The following SMG9 variants were observed in gnomAD, a reference collection of about 807,000 sequenced individuals.
The protein encoded by SMG9 is SMG9 nonsense mediated mRNA decay factor.
In SMG9, 55 loss-of-function variants were observed where a neutral mutation model predicts 64.0. That is an observed-to-expected ratio of 0.86 (90% CI 0.69 to 1.08). The LOEUF is 1.08. SMG9 is among the 50% of genes least tolerant of loss of function. The pLI, the probability that SMG9 is intolerant of heterozygous loss-of-function variation, is 0.00. For synonymous variants in SMG9, 244 were observed against 254.8 expected (o/e 0.96, Z 0.41); for missense variants, 554 against 681.3 (o/e 0.81, Z 2.08).
At position 43,738,116 on chromosome 19, in the gene SMG9, C is replaced by T; in HGVS notation, c.909+6G>A. The T allele has an allele frequency of 6.2e-7, 1 of 1,613,814 alleles. No homozygotes were observed. Among genetic ancestry groups the T allele is most frequent in the Non-Finnish European group, 8.5e-7 (1 of 1,179,768 alleles). On this transcript the variant is annotated splice_donor_region_variant and intron_variant, in intron 8 of 13. Transcript: ENST00000270066. ...CTCAGTCCTGGGCCTGGCTTGGCTC[C>T]CTCACCTGCATTTCAACGTAAGTGT...
At chr19:43,748,498 A>T (rs753712324) in intron 2 of SMG9, among the ~76,000 whole-genome samples, 11 of 152,204 alleles carry the variant, frequency 7.2e-5, no homozygotes, top group Admixed American at 2.6e-4. Context: ...TATGATGAGG[A>T]TGAAAGGAGA....
chr19:43,753,537 T>C (rs1324305338), intron 1 of SMG9, among the ~76,000 whole-genome samples: 1 of 148,788 alleles, frequency 6.7e-6, no homozygotes, highest in African/African-American at 2.5e-5. Context: ...CTCAGCTGGC[T>C]GCGGCCTCTG....
chr19:43,744,373 T>A (rs1241989795), intron 6 of SMG9, among the ~76,000 whole-genome samples: 3 of 152,216 alleles, frequency 2.0e-5, no homozygotes, highest in Non-Finnish European at 4.4e-5. Context: ...CTTCTTGATC[T>A]TATTTTATTC....
At chr19:43,753,850 G>A (rs1164147981) in intron 1 of SMG9, among the ~76,000 whole-genome samples, 3 of 151,498 alleles carry the variant, frequency 2.0e-5, no homozygotes, top group Non-Finnish European at 2.9e-5. Context: ...CAGGTGTGGA[G>A]GATACAGTGA....
chr19:43,748,794 T>C (rs761966992), intron 2 of SMG9: 1 of 520,164 alleles, frequency 1.9e-6, no homozygotes, highest in South Asian at 1.4e-5. Context: ...TTCACCAATA[T>C]ACTGAGGACA....
chr19:43,729,036 GCCTGAGT>G lies in SMG9; in HGVS notation c.*2553_*2559del, dbSNP rs1220722633. Reference sequence around the variant, plus strand: ...CCACAGTGGCCTGCTGGCAGCATCAGCCTGAGTCCTCTGCTGGATGTAAAGGGGGTGG... The same window carrying G: ...CCACAGTGGCCTGCTGGCAGCATCAGCCTCTGCTGGATGTAAAGGGGGTGG... On this transcript the variant is annotated 3_prime_UTR_variant, in exon 14 of 14. Coordinates refer to ENST00000270066, the MANE Select transcript of SMG9 (RefSeq NM_019108.4). 1.0e-6 allele frequency: 1 copy of G among 985,540 alleles called. No homozygotes were observed. The highest frequency in any genetic ancestry group is 1.7e-5 in the African/African-American group (1 of 57,232). 61.0% of individuals were successfully genotyped at this position (985,540 alleles called of 1,614,324 possible). A position where few individuals can be genotyped will look rare whatever the true frequency, so the allele number is the denominator to read the frequency against.
At chr19:43,751,323 G>A (rs1568383419) in intron 1 of SMG9, among the ~76,000 whole-genome samples, 1 of 151,732 alleles carries the variant, frequency 6.6e-6, no homozygotes, top group Non-Finnish European at 1.5e-5. Flanking sequence ...TTTTAGTAGA[G>A]ATGGGGTTTC....
chr19:43,751,416 C>T lies in SMG9; in HGVS notation c.-6-669G>A, dbSNP rs533236940. Among the ~76,000 whole-genome samples, 429 of 152,332 alleles carry T rather than the reference C, an allele frequency of 2.8e-3. 2 individuals carry two copies. Among genetic ancestry groups the T allele is most frequent in the African/African-American group, 0.01 (418 of 41,566 alleles). ...CCTCCCAAAGGGCTGGGATTATAGG[C>T]GTGAGCCACCATGCCCGGCCAAGGC... On this transcript the variant is annotated intron_variant, in intron 1 of 13. Coordinates refer to ENST00000270066, the MANE Select transcript of SMG9 (RefSeq NM_019108.4).
At chr19:43,731,702 C>T (rs1303996881) in intron 13 of SMG9, 28 bp from the exon 14 acceptor site, 1 of 1,614,036 alleles carries the variant, frequency 6.2e-7, no homozygotes, top group African/African-American at 1.3e-5. Context: ...GTCAGGGCTG[C>T]CTGGCCGGGG....
intron 6 of SMG9, among the ~76,000 whole-genome samples, chr19:43,743,853 G>C (rs1158146979): frequency 6.6e-6 from 1 of 152,202 alleles, no homozygotes; most frequent in Non-Finnish European, 1.5e-5. Flanking sequence ...ATGGACTCCT[G>C]ACGCTCATCC....
In SMG9 at chr19:43,738,194, T is replaced by C. The variant is rs763720944; in HGVS notation, c.837A>G (p.Leu279=). The C allele has an allele frequency of 1.2e-6, 2 of 1,613,894 alleles. No individual in the cohort carries two copies. The highest frequency in any genetic ancestry group is 3.3e-5 in the Admixed American group (2 of 59,988). ...TGCGGTCATTATTGATGAGATGGTC[T>C]AGGATAGAAGGGCTCAGGATGGGCT... ...DTQPILSPSI[L]DHLINNDRKL... The change falls in exon 8 of 14, where the codon CTA becomes CTG. Residue 279 remains leucine (L), a synonymous_variant. Transcript: ENST00000270066.
rs1968717651 is a variant in SMG9, at chr19:43,737,706, G to A, written c.910-24C>T. ...GACTGAGGGTGGGCAGGATGGAAGG[G>A]AGGTGAGGACCTCTTCTGCCCAGAC... On this transcript the variant is annotated intron_variant, in intron 8 of 13. Coordinates refer to ENST00000270066, the MANE Select transcript of SMG9 (RefSeq NM_019108.4). The A allele has an allele frequency of 3.1e-6, 5 of 1,611,600 alleles. No homozygotes were observed. In the South Asian group the frequency reaches 4.4e-5, roughly 14 times the overall value.
intron 5 of SMG9, among the ~76,000 whole-genome samples, chr19:43,745,595 T>C (rs768284983): frequency 4.6e-5 from 7 of 152,170 alleles, no homozygotes; most frequent in Non-Finnish European, 1.0e-4. Context: ...GGCCAGGTGT[T>C]GTGGCCCACG....
In SMG9 at chr19:43,728,986, C is replaced by T. The variant is rs1968386942; in HGVS notation, c.*2610G>A. On this transcript the variant is annotated 3_prime_UTR_variant, in exon 14 of 14. Coordinates refer to ENST00000270066, the MANE Select transcript of SMG9 (RefSeq NM_019108.4). ...GCCCATCCTAGAGCAGAAGGCCTCC[C>T]TGCAGCAGTATATCTAGCTGGTGTC... 7.1e-6 allele frequency: 7 copies of T among 985,540 alleles called. No individual in the cohort carries two copies. Among genetic ancestry groups the T allele is most frequent in the African/African-American group, 7.0e-5 (4 of 57,364 alleles). 61.0% of individuals were successfully genotyped at this position (985,540 alleles called of 1,614,324 possible). A position where few individuals can be genotyped will look rare whatever the true frequency, so the allele number is the denominator to read the frequency against.
At chr19:43,754,005 G>A (rs1038479755) in intron 1 of SMG9, among the ~76,000 whole-genome samples, 5 of 151,918 alleles carry the variant, frequency 3.3e-5, no homozygotes, top group African/African-American at 1.2e-4. Flanking sequence ...CCCAAACTTA[G>A]GAAAGCTGGT....
intron 6 of SMG9, among the ~76,000 whole-genome samples, chr19:43,743,908 C>A (rs1968918783): frequency 6.6e-6 from 1 of 152,166 alleles, no homozygotes; most frequent in African/African-American, 2.4e-5. Flanking sequence ...AAAACAGATC[C>A]CTGTATTTTT....
intron 7 of SMG9, chr19:43,739,783 G>C (rs957007579): frequency 2.1e-5 from 7 of 337,536 alleles, no homozygotes; most frequent in South Asian, 5.8e-5. Context: ...AAGAGCTGTG[G>C]TTTAAGGGAG....
chr19:43,748,890 A>C (rs1013426366), intron 2 of SMG9: 1 of 500,698 alleles, frequency 2.0e-6, no homozygotes, highest in African/African-American at 1.9e-5. Flanking sequence ...AGAAGTTTCA[A>C]GGGAAAAACT....
chr19:43,734,012 A>G (rs1968571305), intron 10 of SMG9: 2 of 549,438 alleles, frequency 3.6e-6, no homozygotes, highest in African/African-American at 3.8e-5. Flanking sequence ...AGAAAGGATG[A>G]AACAGGCAAA....
Sources: allele counts gnomAD v4.1 joint callset (sites outside exome capture counted in the v4.1 genomes callset), GRCh38; gene constraint gnomAD v4.1.1; transcripts MANE v1.5; gene names NCBI Gene and HGNC (gene_info 2026-07-23, HGNC 2026-07-21).